WDR26: variants seen among roughly 807,000 people sequenced by gnomAD.
WDR26 encodes the protein WD repeat domain 26, also known as WD repeat-containing protein 26.
A neutral mutation model predicts 84.1 loss-of-function variants in WDR26; 5 were observed. The ratio of observed to expected loss-of-function variants is 0.06; its 90% CI spans 0.03 to 0.13. WDR26 has a LOEUF of 0.13. Ranked by LOEUF, WDR26 falls within the 10% of genes least tolerant of loss-of-function variation. WDR26 has a pLI of 1.00. For synonymous variants in WDR26, 415 were observed against 389.6 expected (o/e 1.07, Z -0.77); for missense variants, 642 against 974.9 (o/e 0.66, Z 4.55).
At chr1:224,424,001 A>C (rs1160893798) in intron 4 of WDR26, among the ~76,000 whole-genome samples, 1 of 152,160 alleles carries the variant, frequency 6.6e-6, no homozygotes, top group Non-Finnish European at 1.5e-5. Context: ...GGAAGATCAC[A>C]GGAGTTTGAG....
In WDR26 at chr1:224,432,402, ATC is replaced by A. The variant is rs1674418371; in HGVS notation, c.723-623_723-622del. Among the ~76,000 whole-genome samples the A allele has an allele frequency of 3.9e-5, 6 of 152,282 alleles. No homozygotes were observed. In the South Asian group the frequency reaches 1.2e-3, roughly 32 times the overall value. On this transcript the variant is annotated intron_variant, in intron 1 of 13. Transcript: ENST00000414423. ...AATATGTTCTGTTAGCATTTACAAAATCTGTTTTCATACTAATCCTTTTCCCT... is the reference window on the plus strand; with the variant it reads ...AATATGTTCTGTTAGCATTTACAAAATGTTTTCATACTAATCCTTTTCCCT...
chr1:224,430,565 CA>C (rs1674363169), intron 3 of WDR26: 1 of 152,114 alleles, frequency 6.6e-6, no homozygotes, highest in African/African-American at 2.4e-5. Flanking sequence ...ATGTTTGACT[CA>C]ATTTTAAAAA....
Position 224,433,951 on chromosome 1 carries a change from T to A in WDR26, c.455A>T (p.Asp152Val). 1 of 1,532,158 alleles carries A rather than the reference T, an allele frequency of 6.5e-7. No homozygotes were observed. The highest frequency in any genetic ancestry group is 8.7e-7 in the Non-Finnish European group (1 of 1,143,726). The allele number at this position is 1,532,158 out of a possible 1,614,324, so 94.9% of individuals were successfully genotyped here. A position where few individuals can be genotyped will look rare whatever the true frequency, so the allele number is the denominator to read the frequency against. ...CAGGAGCCCATTGGCGTGGGCCAGG[T>A]CCCCCGCGGACGACGACGACGAGGG... The change falls in exon 1 of 14, where the codon GAC becomes GTC. Residue 152 changes from aspartate to valine, a missense_variant. Physicochemically the swap from Asp to Val is radical, Grantham distance 152. Coordinates refer to ENST00000414423, the MANE Select transcript of WDR26 (RefSeq NM_001379403.1).
At chr1:224,399,234 T>C (rs1673344514) in intron 9 of WDR26, among the ~76,000 whole-genome samples, 200 bp from the exon 10 acceptor site, 1 of 152,114 alleles carries the variant, frequency 6.6e-6, no homozygotes, top group South Asian at 2.1e-4. Flanking sequence ...CAACCATACT[T>C]AAGGGAAAGC....
At chr1:224,407,123 A>T (rs1208278288) in intron 7 of WDR26, among the ~76,000 whole-genome samples, 107 of 8,100 alleles carry the variant, frequency 0.013, 2 homozygotes, top group African/African-American at 0.025. Context: ...CTCTGTCTTT[A>T]AAAAAAAAAA....
rs1673030044 is a variant in WDR26, at chr1:224,388,091, G to A, written c.*1744C>T. The A allele has an allele frequency of 6.6e-6, 1 of 150,880 alleles. No homozygotes were observed. The highest frequency in any genetic ancestry group is 1.5e-5 in the Non-Finnish European group (1 of 67,692). The allele number at this position is 150,880 out of a possible 1,614,324, so 9.3% of individuals were successfully genotyped here. ...ACTATGGGCTTCTGGGAGAATGCATGCTATTTTAAGGCCAAATGTGTTTTT... is the reference window on the plus strand; with the variant it reads ...ACTATGGGCTTCTGGGAGAATGCATACTATTTTAAGGCCAAATGTGTTTTT... On this transcript the variant is annotated 3_prime_UTR_variant, in exon 14 of 14. Coordinates refer to ENST00000414423, the MANE Select transcript of WDR26 (RefSeq NM_001379403.1).
chr1:224,431,561 T>C lies in WDR26; in HGVS notation c.843A>G (p.Glu281=), dbSNP rs144989360. 9.3e-6 allele frequency: 15 copies of C among 1,613,870 alleles called. No individual in the cohort carries two copies. The East Asian group carries it at 3.3e-4, about 36-fold the overall frequency. The change falls in exon 3 of 14, where the codon GAA becomes GAG. Residue 281 remains glutamate (E), a synonymous_variant. Transcript: ENST00000414423. ...GAGGAGAATGCACTAAAGGCTTTAGTTCATTCAGGTCATTTTCTGCCTGTA... is the reference window on the plus strand; with the variant it reads ...GAGGAGAATGCACTAAAGGCTTTAGCTCATTCAGGTCATTTTCTGCCTGTA...
rs1490572488 is a variant in WDR26, at chr1:224,388,135, T to G, written c.*1700A>C. The G allele has an allele frequency of 6.6e-6, 1 of 152,290 alleles. No individual in the cohort carries two copies. The highest frequency in any genetic ancestry group is 2.4e-5 in the African/African-American group (1 of 41,380). The allele number at this position is 152,290 out of a possible 1,614,324, so 9.4% of individuals were successfully genotyped here. ...TGTTTTTCTTTCTTCTCCCCTTCCC[T>G]GACTTTTCCCTTTCTCCCATCCCCG... On this transcript the variant is annotated 3_prime_UTR_variant, in exon 14 of 14. Coordinates refer to ENST00000414423, the MANE Select transcript of WDR26 (RefSeq NM_001379403.1).
intron 4 of WDR26, among the ~76,000 whole-genome samples, chr1:224,424,150 A>T (rs183865144): frequency 6.6e-6 from 1 of 152,220 alleles, no homozygotes; most frequent in Non-Finnish European, 1.5e-5. Flanking sequence ...TATTCACTTA[A>T]AAAAGTTAGT....
At chr1:224,431,291 T>G in intron 3 of WDR26, 186 bp downstream of exon 3, 1 of 521,526 alleles carries the variant, frequency 1.9e-6, no homozygotes, top group Non-Finnish European at 3.4e-6. Flanking sequence ...AATGACACAT[T>G]TACTAAGTAT....
chr1:224,412,275 G>T (rs12121977), intron 6 of WDR26, among the ~76,000 whole-genome samples: 17,991 of 152,174 alleles, frequency 0.12, 1,305 homozygotes, highest in South Asian at 0.25. Flanking sequence ...TATATGGCAA[G>T]GAGTGCAGTA....
intron 3 of WDR26, chr1:224,430,283 A>C (rs182013131): frequency 1.0e-3 from 153 of 152,296 alleles, no homozygotes; most frequent in African/African-American, 3.6e-3. Context: ...TTTATAAGTT[A>C]ACTTATTACC....
At chr1:224,431,347 C>T (rs1674388299) in intron 3 of WDR26, 130 bp downstream of exon 3, 1 of 719,198 alleles carries the variant, frequency 1.4e-6, no homozygotes, top group African/African-American at 1.8e-5. Context: ...TATACTCATC[C>T]TAGTTTACAA....
chr1:224,430,156 C>A (rs1435960389), intron 3 of WDR26: 2 of 151,856 alleles, frequency 1.3e-5, no homozygotes, highest in African/African-American at 4.8e-5. Context: ...TTTTTTTAAA[C>A]CCCAAACACA....
chr1:224,419,628 C>G lies in WDR26; in HGVS notation c.1065-13G>C, dbSNP rs752002188. The G allele has an allele frequency of 6.3e-7, 1 of 1,596,618 alleles. No homozygotes were observed. Among genetic ancestry groups the G allele is most frequent in the Non-Finnish European group, 8.6e-7 (1 of 1,164,414 alleles). On this transcript the variant is annotated splice_polypyrimidine_tract_variant and intron_variant, in intron 4 of 13. Transcript: ENST00000414423. ...ACACATCAGATACCTAAAAATACAA[C>G]AGAGAAAGCAACCAATATTAAACCC...
Position 224,407,151 on chromosome 1 carries a change from A to AAAAAATATATAT in WDR26, c.1459-2582_1459-2581insATATATATTTTT. ...AAAAAAAAAAAAAAAAAAAAAAAAA[A>AAAAAATATATAT]ATATATATATATATATATATAACTC... is the stretch of plus-strand genomic sequence containing the variant. On this transcript the variant is annotated intron_variant, in intron 7 of 13. Transcript: ENST00000414423. Among the ~76,000 whole-genome samples the AAAAAATATATAT allele has an allele frequency of 1.7e-4, 2 of 11,872 alleles. 1 individual carries two copies. Among genetic ancestry groups the AAAAAATATATAT allele is most frequent in the Admixed American group, 2.6e-3 (2 of 778 alleles). The allele number at this position is 11,872 out of a possible 152,430, so 7.8% of individuals were successfully genotyped here.
intron 4 of WDR26, among the ~76,000 whole-genome samples, chr1:224,421,001 A>C (rs1002478798): frequency 2.0e-5 from 3 of 152,230 alleles, no homozygotes; most frequent in African/African-American, 7.2e-5. Flanking sequence ...AAATTTTACA[A>C]AAGTGACTTA....
At chr1:224,421,116 GAGA>G (rs770351091) in intron 4 of WDR26, among the ~76,000 whole-genome samples, 1 of 152,162 alleles carries the variant, frequency 6.6e-6, no homozygotes, top group South Asian at 2.1e-4. Flanking sequence ...ACATTGGACT[GAGA>G]AGGAGAAACC....
At position 224,418,415 on chromosome 1, in the gene WDR26, G is replaced by A; in HGVS notation, c.1164C>T (p.Thr388=). Reference sequence around the variant, plus strand: ...GAAGCATCACTGATGGTGGTAAATAGGCTTTAATAGAAGATATTTTAAAAA... The same window carrying A: ...GAAGCATCACTGATGGTGGTAAATAAGCTTTAATAGAAGATATTTTAAAAA... The change falls in exon 6 of 14, where the codon ACC becomes ACT. Residue 388 remains threonine (T), a splice_region_variant and synonymous_variant. Coordinates refer to ENST00000414423, the MANE Select transcript of WDR26 (RefSeq NM_001379403.1). The A allele has an allele frequency of 2.5e-6, 4 of 1,587,788 alleles. No individual in the cohort carries two copies. Among genetic ancestry groups the A allele is most frequent in the Non-Finnish European group, 3.4e-6 (4 of 1,172,398 alleles).
Sources: allele counts gnomAD v4.1 joint callset (sites outside exome capture counted in the v4.1 genomes callset), GRCh38; gene constraint gnomAD v4.1.1; transcripts MANE v1.5; gene names NCBI Gene and HGNC (gene_info 2026-07-23, HGNC 2026-07-21).